Variants in ZCCHC24 observed in about 807,000 individuals in gnomAD.
The protein encoded by ZCCHC24 is zinc finger CCHC-type containing 24, also known as zinc finger CCHC domain-containing protein 24.
ZCCHC24 carries 10 observed loss-of-function variants against 26.2 expected under a neutral mutation model. The observed-to-expected ratio is 0.38, with a 90% CI of 0.24 to 0.65. The LOEUF (loss-of-function observed/expected upper bound fraction) is 0.65. ZCCHC24 is among the 30% of genes least tolerant of loss of function. The pLI is 0.54. For missense variants in ZCCHC24, 243 were observed against 329.1 expected (o/e 0.74, Z 2.03); for synonymous variants, 144 against 147.1 (o/e 0.98, Z 0.15).
intron 2 of ZCCHC24, chr10:79,394,649 G>A: frequency 2.0e-6 from 2 of 985,274 alleles, no homozygotes; most frequent in Non-Finnish European, 1.2e-6. Context: ...AGAAAACAGA[G>A]GAGATGGTGA....
chr10:79,403,569 G>C (rs747911608), intron 2 of ZCCHC24: 261 of 985,320 alleles, frequency 2.6e-4, no homozygotes, highest in Non-Finnish European at 3.0e-4. Flanking sequence ...AGGATGCTGG[G>C]AGGGAGGAAG....
At chr10:79,391,182 G>A (rs926998647) in intron 3 of ZCCHC24, among the ~76,000 whole-genome samples, 3 of 152,146 alleles carry the variant, frequency 2.0e-5, no homozygotes, top group Non-Finnish European at 4.4e-5. Flanking sequence ...ACTGGAAGAG[G>A]GGAAGGGCCC....
chr10:79,445,275 C>A lies in ZCCHC24; in HGVS notation c.166G>T (p.Gly56Cys), dbSNP rs1386206653. 2.7e-6 allele frequency: 4 copies of A among 1,462,678 alleles called. No homozygotes were observed. The highest frequency in any genetic ancestry group is 3.6e-6 in the Non-Finnish European group (4 of 1,103,936). 90.6% of individuals were successfully genotyped at this position (1,462,678 alleles called of 1,614,324 possible). Residue 56 changes from glycine to cysteine, a missense_variant, in exon 1 of 4, where the codon GGC (glycine) becomes TGC (cysteine). This residue lies in a region of ZCCHC24 where 147 missense variants were observed against 150.8 expected (regional missense o/e 0.97). Coordinates refer to ENST00000372336, the MANE Select transcript of ZCCHC24 (RefSeq NM_153367.4). ...CCCAGCTGCTCGGGGCGGCCCTTGC[C>A]GAAGGCCAGCTCCGGGGGTGCGGCG... Reference protein sequence around the residue: ...AGAAPPELAFGKGRPEQLGSP... With the variant: ...AGAAPPELAFCKGRPEQLGSP...
intron 2 of ZCCHC24, among the ~76,000 whole-genome samples, chr10:79,420,253 G>A (rs1856919155): frequency 6.6e-6 from 1 of 152,112 alleles, no homozygotes; most frequent in Non-Finnish European, 1.5e-5. Flanking sequence ...CAACCTGGGG[G>A]ACTCAAAGTC....
chr10:79,390,591 G>A (rs1305446853), intron 3 of ZCCHC24, among the ~76,000 whole-genome samples: 1 of 152,186 alleles, frequency 6.6e-6, no homozygotes, highest in Non-Finnish European at 1.5e-5. Context: ...GCTCTGGCTC[G>A]ACTGCTCAGC....
At chr10:79,401,363 C>T (rs1376176884) in intron 2 of ZCCHC24, among the ~76,000 whole-genome samples, 2 of 152,300 alleles carry the variant, frequency 1.3e-5, no homozygotes, top group South Asian at 2.1e-4. Flanking sequence ...CTTTGTGTCC[C>T]GACAACCATC....
chr10:79,404,127 G>A (rs963596424), intron 2 of ZCCHC24, among the ~76,000 whole-genome samples: 7 of 152,110 alleles, frequency 4.6e-5, no homozygotes, highest in South Asian at 2.1e-4. Context: ...TCGGGGGAAC[G>A]GGGCCCACAG....
In ZCCHC24 at chr10:79,384,426, G is replaced by A. The variant is rs934735825; in HGVS notation, c.*1919C>T. 1.3e-5 allele frequency: 2 copies of A among 152,418 alleles called. No homozygotes were observed. The highest frequency in any genetic ancestry group is 2.9e-5 in the Non-Finnish European group (2 of 68,096). The allele number at this position is 152,418 out of a possible 1,614,324, so 9.4% of individuals were successfully genotyped here. A position where few individuals can be genotyped will look rare whatever the true frequency, so the allele number is the denominator to read the frequency against. On this transcript the variant is annotated 3_prime_UTR_variant, in exon 4 of 4. Coordinates refer to ENST00000372336, the MANE Select transcript of ZCCHC24 (RefSeq NM_153367.4). ...GCAGTGCGGTAGGATGACTGTCAGT[G>A]GCAGCTTCTCCTTGGGACAGAAGCC...
intron 2 of ZCCHC24, among the ~76,000 whole-genome samples, chr10:79,426,709 TA>T (rs1857033394): frequency 6.6e-6 from 1 of 152,086 alleles, no homozygotes. Flanking sequence ...TTAAAGAAAT[TA>T]AAATGTTAGT....
At chr10:79,405,739 C>T (rs1203180805) in intron 2 of ZCCHC24, among the ~76,000 whole-genome samples, 1 of 152,208 alleles carries the variant, frequency 6.6e-6, no homozygotes, top group Non-Finnish European at 1.5e-5. Flanking sequence ...AGGGCCACAG[C>T]CCTGGGAGGA....
intron 2 of ZCCHC24, among the ~76,000 whole-genome samples, chr10:79,414,209 T>C (rs980764505): frequency 1.3e-5 from 2 of 152,174 alleles, no homozygotes; most frequent in Non-Finnish European, 2.9e-5. Context: ...GGTCACAGAG[T>C]TGCTGAATTT....
At position 79,394,234 on chromosome 10, in the gene ZCCHC24, T is replaced by G. The variant is rs773010763; in HGVS notation, c.612+42A>C. The G allele has an allele frequency of 1.9e-6, 3 of 1,592,726 alleles. No individual in the cohort carries two copies. In the African/African-American group the frequency reaches 4.0e-5, roughly 21 times the overall value. On this transcript the variant is annotated intron_variant, in intron 3 of 3. Coordinates refer to ENST00000372336, the MANE Select transcript of ZCCHC24 (RefSeq NM_153367.4). ...AGGTCCGGTAAGGGAAAAGTTGCCCTCCCGCGGTCCTTCTGAGAAGGCCCC... is the reference window on the plus strand; with the variant it reads ...AGGTCCGGTAAGGGAAAAGTTGCCCGCCCGCGGTCCTTCTGAGAAGGCCCC...
intron 2 of ZCCHC24, among the ~76,000 whole-genome samples, chr10:79,418,085 T>C (rs985410559): frequency 1.3e-5 from 2 of 152,190 alleles, no homozygotes; most frequent in Non-Finnish European, 2.9e-5. Flanking sequence ...CAAGACCCCA[T>C]GGCAGTTGAG....
intron 2 of ZCCHC24, among the ~76,000 whole-genome samples, chr10:79,410,181 A>G (rs2132193786): frequency 6.6e-6 from 1 of 152,256 alleles, no homozygotes; most frequent in African/African-American, 2.4e-5. Flanking sequence ...GTCTCTACTC[A>G]AGTTGTCATG....
chr10:79,412,334 C>G (rs78774085), intron 2 of ZCCHC24, among the ~76,000 whole-genome samples: 28,174 of 152,298 alleles, frequency 0.18, 2,712 homozygotes, highest in Non-Finnish European at 0.21. Context: ...TGGCAGCAGC[C>G]TGCAGCGGCA....
chr10:79,403,437 G>A (rs757822124), intron 2 of ZCCHC24: 16 of 985,362 alleles, frequency 1.6e-5, no homozygotes, highest in Admixed American at 6.1e-5. Context: ...CCACATGCAC[G>A]GCCGGGGGAG....
chr10:79,418,802 T>C (rs1433938980), intron 2 of ZCCHC24, among the ~76,000 whole-genome samples: 1 of 152,166 alleles, frequency 6.6e-6, no homozygotes, highest in Non-Finnish European at 1.5e-5. Context: ...CTTGAGGGCC[T>C]TAAAACCAGG....
intron 2 of ZCCHC24, among the ~76,000 whole-genome samples, chr10:79,417,817 G>A (rs536767406): frequency 1.6e-4 from 24 of 152,160 alleles, no homozygotes; most frequent in African/African-American, 1.9e-4. Context: ...CTGCTGCCCC[G>A]TTTCTCTGAG....
chr10:79,406,243 A>T (rs1856710347), intron 2 of ZCCHC24, among the ~76,000 whole-genome samples: 1 of 152,182 alleles, frequency 6.6e-6, no homozygotes, highest in Non-Finnish European at 1.5e-5. Flanking sequence ...GCTTCGAACC[A>T]TGGCCTTTCT....
Sources: gnomAD v4.1 joint callset for allele counts (sites outside exome capture counted in the v4.1 genomes callset) on GRCh38, gnomAD v4.1.1 for gene constraint, gnomAD v4.1.1 regional missense constraint, MANE v1.5 for transcripts, NCBI Gene and HGNC (gene_info 2026-07-23, HGNC 2026-07-21) for gene names.